Variants in MINDY2 observed in about 807,000 individuals in gnomAD.
MINDY2 encodes ubiquitin carboxyl-terminal hydrolase MINDY-2.
MINDY2 carries 52 observed loss-of-function variants against 68.2 expected under a neutral mutation model. The ratio of observed to expected loss-of-function variants is 0.76; its 90% CI spans 0.61 to 0.96. The LOEUF is 0.96. Ranked by LOEUF, MINDY2 falls within the 40% of genes least tolerant of loss-of-function variation. The pLI, the probability that MINDY2 is intolerant of heterozygous loss-of-function variation, is 0.00. For missense variants in MINDY2, 881 were observed against 773.4 expected, an observed-to-expected ratio of 1.14 and a Z score of -1.65; for synonymous variants, 372 against 303.0, an observed-to-expected ratio of 1.23 and a Z score of -2.36.
At chr15:58,803,443 G>A (rs994950474) in intron 3 of MINDY2, among the ~76,000 whole-genome samples, 1 of 151,172 alleles carries the variant, frequency 6.6e-6, no homozygotes, top group Non-Finnish European at 1.5e-5. Context: ...GATCCAGGCT[G>A]GTGACAGAGC....
rs557157652 is a variant in MINDY2 at position 58,859,918 on chromosome 15, A to C, written c.*5308A>C. On this transcript the variant is annotated 3_prime_UTR_variant, in exon 9 of 9. Transcript: ENST00000559228. ...ATTGCCTCAAGTTCAGTTTTGTCCT[A>C]TTGTCCTGAGAAAGGAGATTTAGAC... 1 of 152,154 alleles carries C rather than the reference A, an allele frequency of 6.6e-6. No homozygotes were observed. The highest frequency in any genetic ancestry group is 1.5e-5 in the Non-Finnish European group (1 of 68,008). The allele number at this position is 152,154 out of a possible 1,614,324, so 9.4% of individuals were successfully genotyped here. A position where few individuals can be genotyped will look rare whatever the true frequency, so the allele number is the denominator to read the frequency against.
rs192465692 is a variant in MINDY2, at chr15:58,818,056, A to G, written c.1123-3661A>G. Among the ~76,000 whole-genome samples, 442 of 152,374 alleles carry G rather than the reference A, an allele frequency of 2.9e-3. 1 individual carries two copies. The highest frequency in any genetic ancestry group is 3.9e-3 in the Non-Finnish European group (265 of 68,036). On this transcript the variant is annotated intron_variant, in intron 4 of 8. Coordinates refer to ENST00000559228, the MANE Select transcript of MINDY2 (RefSeq NM_001040450.3). ...TATATTCTATGGAATACTGTACTAC[A>G]GTGAAAACAAACATCTGCATACCAC...
At chr15:58,820,552 C>T (rs1197500925) in intron 4 of MINDY2, among the ~76,000 whole-genome samples, 1 of 152,050 alleles carries the variant, frequency 6.6e-6, no homozygotes, top group East Asian at 1.9e-4. Flanking sequence ...ATCATCAGTT[C>T]CAGTTGTATG....
chr15:58,852,143 G>A (rs925065350), intron 8 of MINDY2, among the ~76,000 whole-genome samples, 178 bp downstream of exon 8: 7 of 151,606 alleles, frequency 4.6e-5, no homozygotes, highest in South Asian at 2.1e-4. Context: ...AAAATTAGCC[G>A]GGCGTGGTGG....
At chr15:58,846,480 CT>C (rs1179527787) in intron 6 of MINDY2, among the ~76,000 whole-genome samples, 3 of 151,780 alleles carry the variant, frequency 2.0e-5, no homozygotes, top group Non-Finnish European at 4.4e-5. Flanking sequence ...GTAGTCCCAG[CT>C]ACTCAGGAGG....
chr15:58,776,262 G>A (rs1273953472), intron 1 of MINDY2, among the ~76,000 whole-genome samples: 1 of 152,144 alleles, frequency 6.6e-6, no homozygotes, highest in African/African-American at 2.4e-5. Flanking sequence ...CAATATATGT[G>A]AGAGTGACAA....
rs541729911 is a variant in MINDY2 at position 58,789,162 on chromosome 15, T to C, written c.898+1199T>C. ...AACATCCTGGCTAACACGGTGAAACTCCGTCTCGACTAAAAAATACAAAAA... is the reference window on the plus strand; with the variant it reads ...AACATCCTGGCTAACACGGTGAAACCCCGTCTCGACTAAAAAATACAAAAA... On this transcript the variant is annotated intron_variant, in intron 2 of 8. Transcript: ENST00000559228. 2.4e-4 allele frequency among the ~76,000 whole-genome samples: 36 copies of C among 152,070 alleles called. No individual in the cohort carries two copies. The South Asian group carries it at 5.4e-3, about 23-fold the overall frequency.
In MINDY2 at chr15:58,854,687, C is replaced by T; in HGVS notation, c.*77C>T. The T allele has an allele frequency of 6.7e-7, 1 of 1,487,334 alleles. No individual in the cohort carries two copies. Among genetic ancestry groups the T allele is most frequent in the Non-Finnish European group, 9.0e-7 (1 of 1,114,034 alleles). 92.1% of individuals were successfully genotyped at this position (1,487,334 alleles called of 1,614,324 possible). A position where few individuals can be genotyped will look rare whatever the true frequency, so the allele number is the denominator to read the frequency against. ...CAGGAGGAAAGGAAGAAAAACCGAT[C>T]AATACCGTCTGTGCCTGATTTCCTA... On this transcript the variant is annotated 3_prime_UTR_variant, in exon 9 of 9. Transcript: ENST00000559228.
chr15:58,805,446 A>G (rs1902950901), intron 3 of MINDY2, among the ~76,000 whole-genome samples: 1 of 152,246 alleles, frequency 6.6e-6, no homozygotes, highest in Admixed American at 6.5e-5. Flanking sequence ...TTTGTCTAAT[A>G]GTGTACTGAC....
Position 58,854,694 on chromosome 15 carries a change from G to T in MINDY2, c.*84G>T. 1 of 1,433,554 alleles carries T rather than the reference G, an allele frequency of 7.0e-7. No individual in the cohort carries two copies. Among genetic ancestry groups the T allele is most frequent in the Non-Finnish European group, 9.3e-7 (1 of 1,078,212 alleles). The allele number at this position is 1,433,554 out of a possible 1,614,324, so 88.8% of individuals were successfully genotyped here. A position where few individuals can be genotyped will look rare whatever the true frequency, so the allele number is the denominator to read the frequency against. ...AAAGGAAGAAAAACCGATCAATACC[G>T]TCTGTGCCTGATTTCCTAATGGATT... On this transcript the variant is annotated 3_prime_UTR_variant, in exon 9 of 9. Coordinates refer to ENST00000559228, the MANE Select transcript of MINDY2 (RefSeq NM_001040450.3).
At chr15:58,780,098 T>C (rs7165019) in intron 1 of MINDY2, among the ~76,000 whole-genome samples, 24,682 of 152,166 alleles carry the variant, frequency 0.16, 2,230 homozygotes, top group South Asian at 0.34. Context: ...ACTATTGTTC[T>C]TATTTTATAT....
At chr15:58,834,975 T>G (rs572554592) in intron 6 of MINDY2, among the ~76,000 whole-genome samples, 22 of 152,292 alleles carry the variant, frequency 1.4e-4, no homozygotes, top group African/African-American at 4.3e-4. Context: ...GACATAAGGA[T>G]CAGATTTATT....
At chr15:58,804,617 G>A (rs1367267083) in intron 3 of MINDY2, among the ~76,000 whole-genome samples, 1 of 152,010 alleles carries the variant, frequency 6.6e-6, no homozygotes, top group Non-Finnish European at 1.5e-5. Flanking sequence ...ACCAGCCTGG[G>A]CAACATGGCA....
In MINDY2 at chr15:58,772,192, G is replaced by T; in HGVS notation, c.797G>T (p.Cys266Phe). The change falls in exon 1 of 9, where the codon TGC (cysteine) becomes TTC (phenylalanine). Residue 266 changes from cysteine (C) to phenylalanine (F), a missense_variant. Coordinates refer to ENST00000559228, the MANE Select transcript of MINDY2 (RefSeq NM_001040450.3). Reference sequence around the variant, plus strand: ...ATCACCCAGAATGAGAACGGACCCTGCCCCTTGCTGGCCATCCTCAATGTT... The same window carrying T: ...ATCACCCAGAATGAGAACGGACCCTTCCCCTTGCTGGCCATCCTCAATGTT... Reference protein sequence around the residue: ...PIITQNENGPCPLLAILNVLL... With the variant: ...PIITQNENGPFPLLAILNVLL... 6.2e-7 allele frequency: 1 copy of T among 1,613,404 alleles called. No homozygotes were observed.
chr15:58,844,963 A>G (rs2032464191), intron 6 of MINDY2, among the ~76,000 whole-genome samples: 1 of 151,464 alleles, frequency 6.6e-6, no homozygotes, highest in Non-Finnish European at 1.5e-5. Context: ...AACCCACAAA[A>G]TGGGAGAAAA....
At position 58,860,249 on chromosome 15, in the gene MINDY2, C is replaced by T. The variant is rs1389224514; in HGVS notation, c.*5639C>T. ...AGGTGATCCTGGCTCCTTTGGCTCT[C>T]ATAATTGTTTTATAGCTGAAAATAA... On this transcript the variant is annotated 3_prime_UTR_variant, in exon 9 of 9. Transcript: ENST00000559228. The T allele has an allele frequency of 6.6e-6, 1 of 152,176 alleles. No individual in the cohort carries two copies. Among genetic ancestry groups the T allele is most frequent in the Admixed American group, 6.5e-5 (1 of 15,270 alleles). 9.4% of individuals were successfully genotyped at this position (152,176 alleles called of 1,614,324 possible).
At chr15:58,802,017 G>C (rs1902697427) in intron 2 of MINDY2, among the ~76,000 whole-genome samples, 1 of 152,154 alleles carries the variant, frequency 6.6e-6, no homozygotes, top group South Asian at 2.1e-4. Context: ...TTATATTGTT[G>C]ACAGCAGTGA....
At chr15:58,813,518 A>T (rs1382632188) in intron 4 of MINDY2, among the ~76,000 whole-genome samples, 1 of 152,206 alleles carries the variant, frequency 6.6e-6, no homozygotes, top group Non-Finnish European at 1.5e-5. Context: ...ACATTTGTGT[A>T]CAGGTACGTT....
At chr15:58,783,671 C>A (rs1901302119) in intron 1 of MINDY2, among the ~76,000 whole-genome samples, 1 of 152,204 alleles carries the variant, frequency 6.6e-6, no homozygotes, top group Non-Finnish European at 1.5e-5. Flanking sequence ...TGGTGGCTTA[C>A]ACCCGTAATC....
Sources: gnomAD v4.1 joint callset for allele counts (sites outside exome capture counted in the v4.1 genomes callset) on GRCh38, gnomAD v4.1.1 for gene constraint, MANE v1.5 for transcripts, NCBI Gene and HGNC (gene_info 2026-07-23, HGNC 2026-07-21) for gene names.